The following CLSTN2 variants were observed in gnomAD, a reference collection of about 807,000 sequenced individuals.
The protein encoded by CLSTN2 is calsyntenin-2.
Under a neutral mutation model 101.2 loss-of-function variants are expected in CLSTN2, and 48 were observed. The observed-to-expected ratio is 0.47, with a 90% CI of 0.38 to 0.60. The LOEUF is 0.60. Among genes scored for constraint, CLSTN2 ranks in the 20% least tolerant of loss-of-function variants. The pLI is 0.00. For missense variants in CLSTN2, 1,160 were observed against 1,238.2 expected, an observed-to-expected ratio of 0.94 and a Z score of 0.95; for synonymous variants, 481 against 463.6, an observed-to-expected ratio of 1.04 and a Z score of -0.48.
chr3:140,305,699 C>A (rs757947493), intron 2 of CLSTN2, among the ~76,000 whole-genome samples: 8 of 152,116 alleles, frequency 5.3e-5, no homozygotes, highest in Non-Finnish European at 1.2e-4. Context: ...GAGCAATGTG[C>A]AGCCATGGAA....
chr3:140,277,289 C>T (rs185920499), intron 2 of CLSTN2, among the ~76,000 whole-genome samples: 140 of 152,302 alleles, frequency 9.2e-4, no homozygotes, highest in African/African-American at 3.2e-3. Context: ...GTCTGAGGAG[C>T]TGAGTTACTT....
At chr3:140,240,855 G>A (rs2086461508) in intron 2 of CLSTN2, among the ~76,000 whole-genome samples, 1 of 152,142 alleles carries the variant, frequency 6.6e-6, no homozygotes, top group South Asian at 2.1e-4. Flanking sequence ...CACTACTAGG[G>A]TCCCTGCCTT....
At chr3:140,483,973 G>A (rs1389639697) in intron 8 of CLSTN2, among the ~76,000 whole-genome samples, 4 of 151,600 alleles carry the variant, frequency 2.6e-5, no homozygotes, top group South Asian at 2.1e-4. Flanking sequence ...TTTAAGGTTA[G>A]TATTGTTATG....
intron 11 of CLSTN2, among the ~76,000 whole-genome samples, chr3:140,557,487 A>G (rs755266421): frequency 6.6e-6 from 1 of 152,200 alleles, no homozygotes; most frequent in Non-Finnish European, 1.5e-5. Flanking sequence ...GCCACATTAG[A>G]GTGAAGATGA....
chr3:140,127,022 CAT>C (rs1269872882), intron 1 of CLSTN2, among the ~76,000 whole-genome samples: 29 of 151,196 alleles, frequency 1.9e-4, no homozygotes, highest in African/African-American at 4.6e-4. Flanking sequence ...TTATATGTGT[CAT>C]ATATATATAT....
rs35645750 is a variant in CLSTN2 at position 140,076,625 on chromosome 3, GTTTTTTTTTTTTTTTT to G, written c.110-99313_110-99298del. ...CAATGACTCCCCTCTCACCAGCAGT[GTTTTTTTTTTTTTTTT>G]TTTTTTTTTTTTCCTAGCCTTCGAG... On this transcript the variant is annotated intron_variant, in intron 1 of 16. Coordinates refer to ENST00000458420, the MANE Select transcript of CLSTN2 (RefSeq NM_022131.3). Among the ~76,000 whole-genome samples, 23 of 38,062 alleles carry G rather than the reference GTTTTTTTTTTTTTTTT, an allele frequency of 6.0e-4. 1 individual carries two copies. The highest frequency in any genetic ancestry group is 1.0e-3 in the Non-Finnish European group (23 of 22,494). The allele number at this position is 38,062 out of a possible 152,430, so 25.0% of individuals were successfully genotyped here. A position where few individuals can be genotyped will look rare whatever the true frequency, so the allele number is the denominator to read the frequency against.
chr3:140,243,974 C>G (rs2086493353), intron 2 of CLSTN2, among the ~76,000 whole-genome samples: 1 of 152,204 alleles, frequency 6.6e-6, no homozygotes, highest in African/African-American at 2.4e-5. Context: ...CAACCAAGAC[C>G]TATAGCCACA....
chr3:140,061,030 C>A (rs142184611), intron 1 of CLSTN2, among the ~76,000 whole-genome samples: 1 of 152,252 alleles, frequency 6.6e-6, no homozygotes, highest in African/African-American at 2.4e-5. Flanking sequence ...AGCAGAGGGG[C>A]ATAAGAGAAG....
At chr3:140,501,658 CCA>C (rs145476204) in intron 8 of CLSTN2, among the ~76,000 whole-genome samples, 15,354 of 152,270 alleles carry the variant, frequency 0.1, 1,002 homozygotes, top group Non-Finnish European at 0.15. Context: ...CTCCCCCATC[CCA>C]CAGTGTCTAG....
At chr3:140,235,449 AAT>A (rs1278191449) in intron 2 of CLSTN2, among the ~76,000 whole-genome samples, 4 of 152,228 alleles carry the variant, frequency 2.6e-5, no homozygotes, top group Non-Finnish European at 4.4e-5. Context: ...TGTTGGCAGA[AAT>A]TTAAGCACAT....
chr3:140,240,723 G>A (rs1482855112), intron 2 of CLSTN2, among the ~76,000 whole-genome samples: 1 of 152,150 alleles, frequency 6.6e-6, no homozygotes, highest in Non-Finnish European at 1.5e-5. Context: ...GCAGAATAGA[G>A]AGTTAAGGAG....
At chr3:140,385,839 C>T (rs182591043) in intron 2 of CLSTN2, among the ~76,000 whole-genome samples, 62 of 152,210 alleles carry the variant, frequency 4.1e-4, no homozygotes, top group African/African-American at 1.5e-3. Flanking sequence ...GGGTCTAGGG[C>T]AGGGGTCTGG....
rs115649916 is a variant in CLSTN2 at position 140,173,662 on chromosome 3, A to G, written c.110-2289A>G. ...CAGGCATTTCCATACATGTTCTGAA[A>G]TTCAGGTGGAGGTTTCCAAACCTCA... On this transcript the variant is annotated intron_variant, in intron 1 of 16. Transcript: ENST00000458420. 9.8e-3 allele frequency among the ~76,000 whole-genome samples: 1,499 copies of G among 152,318 alleles called. 25 individuals are homozygous for G. Among genetic ancestry groups the G allele is most frequent in the African/African-American group, 0.034 (1,417 of 41,560 alleles).
rs572084075 is a variant in CLSTN2 at position 140,480,673 on chromosome 3, G to A, written c.1344+13942G>A. On this transcript the variant is annotated intron_variant, in intron 8 of 16. Coordinates refer to ENST00000458420, the MANE Select transcript of CLSTN2 (RefSeq NM_022131.3). ...TGAGATGGTATCTCACTGAGGTTTT[G>A]ATTTGCATTTCTCTGATGGCCAGTG... Among the ~76,000 whole-genome samples, 356 of 152,264 alleles carry A rather than the reference G, an allele frequency of 2.3e-3. 1 individual carries two copies. The highest frequency in any genetic ancestry group is 8.4e-3 in the African/African-American group (347 of 41,554).
intron 1 of CLSTN2, among the ~76,000 whole-genome samples, chr3:139,988,117 G>A (rs1366676854): frequency 6.6e-6 from 1 of 152,196 alleles, no homozygotes; most frequent in Non-Finnish European, 1.5e-5. Flanking sequence ...GGGACCTGGG[G>A]GCATTTGCTG....
At chr3:140,319,130 T>A (rs569833117) in intron 2 of CLSTN2, among the ~76,000 whole-genome samples, 49 of 152,336 alleles carry the variant, frequency 3.2e-4, no homozygotes, top group African/African-American at 1.2e-3. Flanking sequence ...ATGATAATAG[T>A]CCTAGATCGA....
chr3:140,356,777 A>T (rs113971082), intron 2 of CLSTN2, among the ~76,000 whole-genome samples: 1 of 143,896 alleles, frequency 6.9e-6, no homozygotes, highest in Non-Finnish European at 1.5e-5. Flanking sequence ...AAAAAAAAAG[A>T]AAGAAAAATT....
At chr3:140,132,714 C>T (rs183118430) in intron 1 of CLSTN2, among the ~76,000 whole-genome samples, 2 of 152,276 alleles carry the variant, frequency 1.3e-5, no homozygotes, top group East Asian at 1.9e-4. Flanking sequence ...TTAAATACAT[C>T]GTTAGTAGCA....
At chr3:140,109,309 T>G (rs562493587) in intron 1 of CLSTN2, among the ~76,000 whole-genome samples, 8 of 152,162 alleles carry the variant, frequency 5.3e-5, no homozygotes, top group Admixed American at 5.2e-4. Context: ...AGTCACCTCC[T>G]GGAAGAGCCG....
Sources: allele counts gnomAD v4.1 joint callset (sites outside exome capture counted in the v4.1 genomes callset), GRCh38; gene constraint gnomAD v4.1.1; transcripts MANE v1.5; gene names NCBI Gene and HGNC (gene_info 2026-07-23, HGNC 2026-07-21).